The following FAM3B variants were observed in gnomAD, a reference collection of about 807,000 sequenced individuals.
FAM3B encodes the protein FAM3 metabolism regulating signaling molecule B, also known as protein FAM3B.
In FAM3B, 29 loss-of-function variants were observed where a neutral mutation model predicts 28.4. That is an observed-to-expected ratio of 1.02 (90% CI 0.76 to 1.39). The LOEUF is 1.39. FAM3B is among the 40% of genes most tolerant of loss of function. FAM3B has a pLI of 0.00. For synonymous variants in FAM3B, 91 were observed against 103.0 expected, an observed-to-expected ratio of 0.88 and a Z score of 0.71; for missense variants, 266 against 293.9, an observed-to-expected ratio of 0.91 and a Z score of 0.69.
intron 3 of FAM3B, among the ~76,000 whole-genome samples, chr21:41,340,345 G>A (rs1689255975): frequency 6.6e-6 from 1 of 151,974 alleles, no homozygotes. Context: ...GTAGAGACAG[G>A]GTTTCACCAT....
chr21:41,330,878 A>G (rs1296286581), intron 2 of FAM3B, among the ~76,000 whole-genome samples: 1 of 152,242 alleles, frequency 6.6e-6, no homozygotes, highest in Non-Finnish European at 1.5e-5. Flanking sequence ...GTATTTGGCT[A>G]TTGTGAATAA....
chr21:41,318,460 G>A (rs1020767465), intron 1 of FAM3B, among the ~76,000 whole-genome samples: 6 of 152,180 alleles, frequency 3.9e-5, no homozygotes, highest in African/African-American at 7.2e-5. Flanking sequence ...CGTCAAGGCC[G>A]GTTACGCTGC....
chr21:41,347,216 A>G (rs2145828881), intron 6 of FAM3B, 116 bp downstream of exon 6: 1 of 822,596 alleles, frequency 1.2e-6, no homozygotes, highest in African/African-American at 1.7e-5. Flanking sequence ...GGAGCAAAGT[A>G]CTTCTCTAAG....
At chr21:41,316,932 G>A in intron 1 of FAM3B, 34 bp downstream of exon 1, 2 of 1,322,378 alleles carry the variant, frequency 1.5e-6, no homozygotes, top group South Asian at 4.2e-5. Context: ...CGAGGGTAGG[G>A]GCGGGGAAGG....
chr21:41,342,484 A>G (rs926580563), intron 3 of FAM3B, among the ~76,000 whole-genome samples: 9 of 152,096 alleles, frequency 5.9e-5, no homozygotes, highest in South Asian at 2.1e-4. Flanking sequence ...TATCACTACT[A>G]TAGTCTCTAG....
At chr21:41,351,995 G>A (rs1369225797) in intron 7 of FAM3B, among the ~76,000 whole-genome samples, 2 of 152,198 alleles carry the variant, frequency 1.3e-5, no homozygotes, top group Non-Finnish European at 2.9e-5. Context: ...GGGTAGCGGA[G>A]CCTGCCTTGC....
At chr21:41,311,098 T>C (rs958895838) in intron 1 of FAM3B, among the ~76,000 whole-genome samples, 32 of 151,098 alleles carry the variant, frequency 2.1e-4, no homozygotes, top group African/African-American at 7.8e-4. Context: ...TCTCAAACAT[T>C]TTGCTCTCAG....
intron 2 of FAM3B, among the ~76,000 whole-genome samples, chr21:41,333,949 A>G (rs1417786248): frequency 6.6e-6 from 1 of 152,144 alleles, no homozygotes; most frequent in Non-Finnish European, 1.5e-5. Context: ...CTTTTATTAT[A>G]CCTTAGCAAA....
At chr21:41,304,261 A>G in exon 1 of FAM3B, 1 of 455,822 alleles carries the variant, frequency 2.2e-6, no homozygotes. Flanking sequence ...TGGCTGGGGC[A>G]CCCTGGCGCC....
chr21:41,327,823 C>T (rs985232770), intron 2 of FAM3B, among the ~76,000 whole-genome samples: 1 of 152,246 alleles, frequency 6.6e-6, no homozygotes, highest in Non-Finnish European at 1.5e-5. Context: ...AATGACCACA[C>T]CCTCCAGGAT....
chr21:41,305,526 A>T lies in FAM3B; in HGVS notation n.99+1216A>T, dbSNP rs573968761. Among the ~76,000 whole-genome samples the T allele has an allele frequency of 7.2e-5, 11 of 152,338 alleles. No individual in the cohort carries two copies. The East Asian group carries it at 2.1e-3, about 29-fold the overall frequency. On this transcript the variant is annotated intron_variant and non_coding_transcript_variant, in intron 1 of 9. Transcript: ENST00000479810. ...AAAAAAAACCTGTTTTCCTTGGAAT[A>T]CAGGCATATTTGGAGATATTGCAGA...
intron 7 of FAM3B, 65 bp from the exon 8 acceptor site, chr21:41,357,043 G>T: frequency 2.4e-6 from 3 of 1,246,568 alleles, no homozygotes; most frequent in South Asian, 3.1e-5. Context: ...GCTCACAACT[G>T]ATACTGATTA....
intron 4 of FAM3B, among the ~76,000 whole-genome samples, 191 bp from the exon 5 acceptor site, chr21:41,345,495 A>G (rs1224090490): frequency 6.6e-6 from 1 of 152,122 alleles, no homozygotes; most frequent in Non-Finnish European, 1.5e-5. Flanking sequence ...AGCTTCCAGC[A>G]CTTTCCTTTG....
intron 2 of FAM3B, among the ~76,000 whole-genome samples, chr21:41,333,131 G>T (rs1230608258): frequency 1.8e-4 from 23 of 128,868 alleles, no homozygotes; most frequent in Non-Finnish European, 2.7e-4. Context: ...TGTGTTTCTG[G>T]TTTTTTTTTT....
At position 41,357,607 on chromosome 21, in the gene FAM3B, T is replaced by G. The variant is rs1315836396; in HGVS notation, c.*410T>G. ...CTAGTTTCCGACAGTCATCTCCTTC[T>G]GCTGGGAGAATTAGCAGCAGTTCAG... On this transcript the variant is annotated 3_prime_UTR_variant, in exon 8 of 8. Transcript: ENST00000357985. Among the ~76,000 whole-genome samples the G allele has an allele frequency of 2.0e-5, 3 of 152,364 alleles. No homozygotes were observed. Among genetic ancestry groups the G allele is most frequent in the African/African-American group, 7.2e-5 (3 of 41,590 alleles).
intron 2 of FAM3B, among the ~76,000 whole-genome samples, chr21:41,329,960 TA>T (rs1555870371): frequency 1.3e-5 from 2 of 151,990 alleles, no homozygotes; most frequent in Non-Finnish European, 2.9e-5. Flanking sequence ...AGAACTCCAG[TA>T]AATACAGTAA....
intron 1 of FAM3B, chr21:41,319,442 C>T (rs949580230): frequency 3.9e-5 from 6 of 152,200 alleles, no homozygotes; most frequent in African/African-American, 7.2e-5. Flanking sequence ...CTGATGATGA[C>T]TTTATTACCT....
intron 1 of FAM3B, among the ~76,000 whole-genome samples, chr21:41,309,176 C>T (rs2088697399): frequency 1.3e-5 from 2 of 152,246 alleles, no homozygotes; most frequent in Admixed American, 6.5e-5. Context: ...GCATCATCCG[C>T]CTTCAGGACT....
At chr21:41,317,134 A>G (rs1263614936) in intron 1 of FAM3B, among the ~76,000 whole-genome samples, 1 of 152,174 alleles carries the variant, frequency 6.6e-6, no homozygotes, top group Non-Finnish European at 1.5e-5. Context: ...CGCGCTCGCC[A>G]GGCCTGTTCC....
Sources: allele counts gnomAD v4.1 joint callset (sites outside exome capture counted in the v4.1 genomes callset), GRCh38; gene constraint gnomAD v4.1.1; transcripts MANE v1.5; gene names NCBI Gene and HGNC (gene_info 2026-07-23, HGNC 2026-07-21).